The following RGS6 variants were observed in gnomAD, a reference collection of about 807,000 sequenced individuals.
RGS6 encodes the protein regulator of G-protein signaling 6.
Under a neutral mutation model 78.5 loss-of-function variants are expected in RGS6, and 30 were observed. The observed-to-expected ratio is 0.38, with a 90% CI of 0.29 to 0.52. The LOEUF is 0.52. RGS6 is among the 20% of genes least tolerant of loss of function. The probability of loss-of-function intolerance (pLI) is 0.85; values close to 1 mark genes in which losing one functional copy is unlikely to be tolerated. For synonymous variants in RGS6, 206 were observed against 206.0 expected (o/e 1.00, Z 0.00); for missense variants, 495 against 609.7 (o/e 0.81, Z 1.98).
chr14:72,208,989 C>G (rs2043366068), intron 2 of RGS6, among the ~76,000 whole-genome samples: 1 of 152,150 alleles, frequency 6.6e-6, no homozygotes, highest in Admixed American at 6.5e-5. Context: ...TGGTGGCACA[C>G]ACCTGTAATC....
At chr14:72,282,740 C>T (rs2061790922) in intron 2 of RGS6, among the ~76,000 whole-genome samples, 2 of 152,184 alleles carry the variant, frequency 1.3e-5, no homozygotes, top group Non-Finnish European at 2.9e-5. Flanking sequence ...CAGAAGTTTC[C>T]TTGTGCCCCC....
At chr14:72,475,832 A>ACACACACACACACACACGCG (rs2096231307) in intron 10 of RGS6, among the ~76,000 whole-genome samples, 1 of 94,812 alleles carries the variant, frequency 1.1e-5, no homozygotes, top group East Asian at 5.5e-4. Context: ...AAATACACGC[A>ACACACACACACACACACGCG]CACACACACA....
At chr14:72,104,453 T>A (rs917700994) in intron 2 of RGS6, among the ~76,000 whole-genome samples, 5 of 152,230 alleles carry the variant, frequency 3.3e-5, no homozygotes, top group African/African-American at 1.2e-4. Flanking sequence ...TCATAACTTT[T>A]ATGCATTTAT....
At chr14:72,372,422 C>A (rs1039843992) in intron 3 of RGS6, among the ~76,000 whole-genome samples, 5 of 152,178 alleles carry the variant, frequency 3.3e-5, no homozygotes, top group South Asian at 2.1e-4. Flanking sequence ...ATCATTGGCT[C>A]AGGATTTTCT....
intron 2 of RGS6, among the ~76,000 whole-genome samples, chr14:72,344,110 A>C (rs898119492): frequency 6.6e-5 from 10 of 152,236 alleles, no homozygotes; most frequent in South Asian, 2.1e-4. Context: ...CTCAGGGGAA[A>C]GACATTTTCC....
intron 3 of RGS6, among the ~76,000 whole-genome samples, chr14:72,453,571 C>G (rs1382307858): frequency 1.4e-5 from 2 of 142,402 alleles, no homozygotes; most frequent in South Asian, 2.4e-4. Context: ...AGCCGAGATC[C>G]CGCCACTGCA....
intron 1 of RGS6, among the ~76,000 whole-genome samples, chr14:71,955,367 A>AAG (rs1276614696): frequency 2.6e-5 from 4 of 152,206 alleles, no homozygotes; most frequent in South Asian, 4.1e-4. Flanking sequence ...TCCAGACCCC[A>AAG]AGAGAGGGTT....
At chr14:72,461,015 T>C (rs558977086) in intron 6 of RGS6, among the ~76,000 whole-genome samples, 3 of 152,238 alleles carry the variant, frequency 2.0e-5, no homozygotes, top group Admixed American at 1.3e-4. Context: ...TCTGCTTGGC[T>C]ATCCACAGGC....
chr14:71,984,298 TAAAAAAAAA>T (rs59180817), intron 2 of RGS6, among the ~76,000 whole-genome samples: 1 of 120,006 alleles, frequency 8.3e-6, no homozygotes, highest in Admixed American at 8.6e-5. Flanking sequence ...TGAATTATGT[TAAAAAAAAA>T]AAAAAAAAAA....
intron 3 of RGS6, among the ~76,000 whole-genome samples, chr14:72,424,463 G>A (rs749139910): frequency 2.0e-5 from 3 of 152,176 alleles, no homozygotes; most frequent in Non-Finnish European, 4.4e-5. Context: ...GTAATTCTGA[G>A]ATGCCGTTCT....
rs1363350824 is a variant in RGS6, at chr14:72,564,506, C to T, written c.*2039C>T. 1.3e-5 allele frequency: 2 copies of T among 152,264 alleles called. No homozygotes were observed. The highest frequency in any genetic ancestry group is 2.9e-5 in the Non-Finnish European group (2 of 68,114). The allele number at this position is 152,264 out of a possible 1,614,324, so 9.4% of individuals were successfully genotyped here. A position where few individuals can be genotyped will look rare whatever the true frequency, so the allele number is the denominator to read the frequency against. Reference sequence around the variant, plus strand: ...AAATTACAGTCTAAGTTCATTTGCCCCCAGCCTTGCCCAAGGATCCCCGGG... The same window carrying T: ...AAATTACAGTCTAAGTTCATTTGCCTCCAGCCTTGCCCAAGGATCCCCGGG... On this transcript the variant is annotated 3_prime_UTR_variant, in exon 18 of 18. Transcript: ENST00000553525.
chr14:72,564,605 G>T lies in RGS6; in HGVS notation c.*2138G>T, dbSNP rs1158074697. 2 of 152,236 alleles carry T rather than the reference G, an allele frequency of 1.3e-5. No individual in the cohort carries two copies. The highest frequency in any genetic ancestry group is 4.8e-5 in the African/African-American group (2 of 41,436). The allele number at this position is 152,236 out of a possible 1,614,324, so 9.4% of individuals were successfully genotyped here. A position where few individuals can be genotyped will look rare whatever the true frequency, so the allele number is the denominator to read the frequency against. On this transcript the variant is annotated 3_prime_UTR_variant, in exon 18 of 18. Coordinates refer to ENST00000553525, the MANE Select transcript of RGS6 (RefSeq NM_001204424.2). ...CACCTCAGTGCCCTCAGTTATCCAG[G>T]GCAAGGGGCCTGGCTGCCCCCTGCT... is the stretch of plus-strand genomic sequence containing the variant.
intron 15 of RGS6, among the ~76,000 whole-genome samples, chr14:72,522,613 C>G (rs766213278): frequency 6.6e-5 from 10 of 152,164 alleles, no homozygotes; most frequent in Admixed American, 3.9e-4. Flanking sequence ...AAATGAGGAC[C>G]TATGGCTGTG....
intron 2 of RGS6, among the ~76,000 whole-genome samples, chr14:72,294,654 T>C (rs1464637726): frequency 3.3e-5 from 5 of 152,154 alleles, no homozygotes; most frequent in East Asian, 1.9e-4. Context: ...AAACTTAGAA[T>C]GGTGGCTGAA....
chr14:71,999,882 A>G (rs1325973577), intron 2 of RGS6, among the ~76,000 whole-genome samples: 6 of 142,442 alleles, frequency 4.2e-5, no homozygotes, highest in Admixed American at 7.0e-5. Context: ...TTTTTTTTAT[A>G]AATTACCCAG....
intron 2 of RGS6, among the ~76,000 whole-genome samples, chr14:71,995,665 T>C (rs1293682122): frequency 2.6e-5 from 4 of 152,212 alleles, no homozygotes; most frequent in East Asian, 1.9e-4. Flanking sequence ...ACCTGACACG[T>C]AGCAGGTGCA....
chr14:72,444,146 G>A (rs1042889316), intron 3 of RGS6, among the ~76,000 whole-genome samples: 3 of 152,138 alleles, frequency 2.0e-5, no homozygotes, highest in South Asian at 2.1e-4. Context: ...CTTGGGATTC[G>A]GATGTGGGAG....
intron 2 of RGS6, among the ~76,000 whole-genome samples, chr14:72,201,012 G>A (rs1283400944): frequency 6.8e-6 from 1 of 147,848 alleles, no homozygotes; most frequent in Non-Finnish European, 1.5e-5. Flanking sequence ...AAGAAATTGT[G>A]TTGGGCGTAA....
chr14:71,910,726 T>C, the RGS6 span, among the ~76,000 whole-genome samples: 126,543 of 152,084 alleles, frequency 0.83, 52,864 homozygotes, highest in Middle Eastern at 0.85. Context: ...ACTTCGTGGG[T>C]GGTGAGGAAT....
Sources: gnomAD v4.1 joint callset for allele counts (sites outside exome capture counted in the v4.1 genomes callset) on GRCh38, gnomAD v4.1.1 for gene constraint, MANE v1.5 for transcripts, NCBI Gene and HGNC (gene_info 2026-07-23, HGNC 2026-07-21) for gene names.